The following ERICH1 variants were observed in gnomAD, a reference collection of about 807,000 sequenced individuals.
ERICH1 encodes glutamate-rich protein 1.
In ERICH1, 56 loss-of-function variants were observed where a neutral mutation model predicts 39.6. The ratio of observed to expected loss-of-function variants is 1.41; its 90% confidence interval spans 1.14 to 1.77. The LOEUF (loss-of-function observed/expected upper bound fraction) is 1.77, where lower values mean the gene tolerates loss of function less well. Among genes scored for constraint, ERICH1 ranks in the 40% most tolerant of loss-of-function variants. The pLI is 0.00. For missense variants in ERICH1, 826 were observed against 575.4 expected, an observed-to-expected ratio of 1.44 and a Z score of -4.45; for synonymous variants, 313 against 223.6, an observed-to-expected ratio of 1.40 and a Z score of -3.57.
chr8:626,781 T>G, intron 3 of ERICH1: 1 of 211,824 alleles, frequency 4.7e-6, no homozygotes, highest in Non-Finnish European at 1.0e-5. Flanking sequence ...AGTTGCAGAG[T>G]GAAGATTTTG....
chr8:699,246 G>C (rs901409962), intron 2 of ERICH1, among the ~76,000 whole-genome samples: 1 of 152,120 alleles, frequency 6.6e-6, no homozygotes, highest in East Asian at 1.9e-4. Flanking sequence ...GAAAGAAAAA[G>C]GTATTTCCCA....
chr8:731,081 G>C, intron 1 of ERICH1, 59 bp downstream of exon 1: 1 of 1,403,268 alleles, frequency 7.1e-7, no homozygotes, highest in Non-Finnish European at 9.3e-7. Flanking sequence ...TCAACACCGC[G>C]GTCTGAGCCG....
chr8:705,794 A>G (rs1189567753), intron 2 of ERICH1, among the ~76,000 whole-genome samples: 1 of 152,246 alleles, frequency 6.6e-6, no homozygotes, highest in East Asian at 1.9e-4. Context: ...ATCACAGATG[A>G]CAGCATCTTG....
intron 1 of ERICH1, 117 bp downstream of exon 1, chr8:731,023 C>T: frequency 8.2e-7 from 1 of 1,223,204 alleles, no homozygotes; most frequent in Non-Finnish European, 1.1e-6. Flanking sequence ...GGGAGTCGGT[C>T]TGGGTTTGGG....
intron 3 of ERICH1, among the ~76,000 whole-genome samples, chr8:658,500 C>T (rs1430350125): frequency 3.9e-5 from 6 of 152,200 alleles, no homozygotes; most frequent in Non-Finnish European, 5.9e-5. Flanking sequence ...ATCCCATCCC[C>T]GAGGCACAGT....
intron 3 of ERICH1, among the ~76,000 whole-genome samples, chr8:691,590 A>G (rs990288382): frequency 1.3e-5 from 2 of 152,232 alleles, no homozygotes; most frequent in African/African-American, 4.8e-5. Context: ...AAGAACGCAC[A>G]TTTTCTAGTT....
intron 3 of ERICH1, among the ~76,000 whole-genome samples, chr8:674,652 CTA>C (rs1176715508): frequency 1.3e-5 from 2 of 152,098 alleles, no homozygotes; most frequent in Non-Finnish European, 2.9e-5. Context: ...GCCTTTCCCT[CTA>C]TGGGGGGGAA....
chr8:670,905 G>A (rs1245478607), intron 4 of ERICH1, among the ~76,000 whole-genome samples: 13 of 148,010 alleles, frequency 8.8e-5, no homozygotes, highest in Non-Finnish European at 1.3e-4. Context: ...TGAACCCGCC[G>A]GCCCCTGCTC....
At chr8:627,305 T>C (rs2117071784) in intron 3 of ERICH1, 1 of 432,996 alleles carries the variant, frequency 2.3e-6, no homozygotes. Flanking sequence ...GGCCAGGGGC[T>C]GGCAGACGAA....
chr8:691,415 A>G (rs1290524094), intron 3 of ERICH1, among the ~76,000 whole-genome samples: 1 of 152,272 alleles, frequency 6.6e-6, no homozygotes, highest in Non-Finnish European at 1.5e-5. Context: ...GGGGTCCAGC[A>G]CAGGCCTGTC....
chr8:692,002 G>A (rs916842608), intron 3 of ERICH1, among the ~76,000 whole-genome samples: 35 of 152,136 alleles, frequency 2.3e-4, no homozygotes, highest in Admixed American at 1.9e-3. Flanking sequence ...TCATTCGTAC[G>A]ACATGCAACA....
At chr8:671,196 G>A (rs1669610) in intron 4 of ERICH1, among the ~76,000 whole-genome samples, 1,540 of 135,604 alleles carry the variant, frequency 0.011, 25 homozygotes, top group African/African-American at 0.04. Flanking sequence ...TGAACCTGCC[G>A]GCCCTGGCTG....
intron 1 of ERICH1, among the ~76,000 whole-genome samples, chr8:717,415 G>A (rs561677538): frequency 2.6e-5 from 4 of 152,326 alleles, no homozygotes; most frequent in African/African-American, 7.2e-5. Flanking sequence ...CTCTCAGGGA[G>A]CAACAGGTGG....
chr8:679,688 G>A (rs1585241453), intron 3 of ERICH1, among the ~76,000 whole-genome samples: 1 of 152,248 alleles, frequency 6.6e-6, no homozygotes, highest in African/African-American at 2.4e-5. Context: ...AGAACCCACA[G>A]GCAAGGTCAT....
intron 2 of ERICH1, among the ~76,000 whole-genome samples, chr8:703,309 T>C (rs1812568077): frequency 6.6e-6 from 1 of 151,296 alleles, no homozygotes; most frequent in South Asian, 2.1e-4. Context: ...AATAAGTGGG[T>C]TTGCAACACA....
chr8:652,146 C>T (rs1386560311), intron 3 of ERICH1, among the ~76,000 whole-genome samples: 2 of 152,192 alleles, frequency 1.3e-5, no homozygotes, highest in African/African-American at 4.8e-5. Flanking sequence ...GTGCTCCATG[C>T]CACCCCATCG....
intron 3 of ERICH1, among the ~76,000 whole-genome samples, chr8:679,614 T>C (rs146328278): frequency 0.021 from 3,158 of 152,342 alleles, 59 homozygotes; most frequent in Non-Finnish European, 0.032. Flanking sequence ...GTAAAGTGTA[T>C]GATAAAATCT....
intron 3 of ERICH1, among the ~76,000 whole-genome samples, chr8:618,543 G>A (rs1375516829): frequency 6.6e-6 from 1 of 152,206 alleles, no homozygotes; most frequent in African/African-American, 2.4e-5. Flanking sequence ...CTGAGTGAGT[G>A]ACTGACAGAG....
At position 673,911 on chromosome 8, in the gene ERICH1, A is replaced by C. The variant is rs745511590; in HGVS notation, c.441T>G (p.Ser147=). The change falls in exon 4 of 6, where the codon TCT becomes TCG. Residue 147 remains serine (S), a synonymous_variant. Transcript: ENST00000262109. The part of the protein sequence containing the change: ...EKQQSLLQEK[S]QRQHTDGTTI... ...TGGTGCCATCTGTGTGCTGTCGCTG[A>C]GATTTCTCCTGTAACAGACTCTGCT... The C allele has an allele frequency of 1.2e-6, 2 of 1,613,426 alleles. No homozygotes were observed. The highest frequency in any genetic ancestry group is 3.3e-5 in the Admixed American group (2 of 59,966).
Sources: gnomAD v4.1 joint callset for allele counts (sites outside exome capture counted in the v4.1 genomes callset) on GRCh38, gnomAD v4.1.1 for gene constraint, MANE v1.5 for transcripts, NCBI Gene and HGNC (gene_info 2026-07-23, HGNC 2026-07-21) for gene names.